Variants in PARG observed in about 807,000 individuals in gnomAD.
PARG encodes poly(ADP-ribose) glycohydrolase.
PARG carries 35 observed loss-of-function variants against 113.0 expected under a neutral mutation model. That is an observed-to-expected ratio of 0.31 (90% CI 0.24 to 0.41). The LOEUF (loss-of-function observed/expected upper bound fraction) is 0.41, where lower values mean the gene tolerates loss of function less well. Ranked by LOEUF, PARG falls within the 10% of genes least tolerant of loss-of-function variation. PARG has a pLI of 1.00. For missense variants in PARG, 797 were observed against 1,169.4 expected, an observed-to-expected ratio of 0.68 and a Z score of 4.64; for synonymous variants, 330 against 409.9, an observed-to-expected ratio of 0.81 and a Z score of 2.36.
chr10:49,860,648 A>C (rs1487684047), intron 12 of PARG, among the ~76,000 whole-genome samples: 2 of 152,064 alleles, frequency 1.3e-5, no homozygotes, highest in Non-Finnish European at 2.9e-5. Flanking sequence ...GTTTCATTTA[A>C]ATAATAACTA....
intron 13 of PARG, 35 bp from the exon 14 acceptor site, chr10:49,843,667 C>A: frequency 7.4e-7 from 1 of 1,354,382 alleles, no homozygotes; most frequent in Non-Finnish European, 1.0e-6. Flanking sequence ...TAACTTCACA[C>A]TTGATGGCAA....
intron 15 of PARG, among the ~76,000 whole-genome samples, chr10:49,836,167 T>A (rs1554831049): frequency 6.6e-6 from 1 of 152,174 alleles, no homozygotes; most frequent in African/African-American, 2.4e-5. Context: ...ATTATTCTAT[T>A]TGCTGGAATA....
chr10:49,923,608 G>A (rs1274451132), intron 4 of PARG, among the ~76,000 whole-genome samples: 2 of 152,068 alleles, frequency 1.3e-5, no homozygotes, highest in African/African-American at 4.8e-5. Context: ...GTGATGCACA[G>A]GGAGTTGTGA....
chr10:49,828,948 A>G (rs918769563), intron 16 of PARG, among the ~76,000 whole-genome samples: 1 of 152,200 alleles, frequency 6.6e-6, no homozygotes, highest in Admixed American at 6.5e-5. Flanking sequence ...TGTTAAAAAT[A>G]TTTTGCCAGC....
At chr10:49,892,391 A>G (rs1296438765) in intron 7 of PARG, among the ~76,000 whole-genome samples, 4 of 152,196 alleles carry the variant, frequency 2.6e-5, no homozygotes, top group Non-Finnish European at 4.4e-5. Context: ...GTGTGTGCAT[A>G]TAAACACACA....
At chr10:49,901,821 G>A (rs1554843821) in intron 7 of PARG, among the ~76,000 whole-genome samples, 1 of 152,150 alleles carries the variant, frequency 6.6e-6, no homozygotes, top group Non-Finnish European at 1.5e-5. Context: ...AATCTCAGAA[G>A]TCCCTGTGAG....
chr10:49,900,330 TCA>T (rs1848295916), intron 7 of PARG, among the ~76,000 whole-genome samples: 4 of 151,988 alleles, frequency 2.6e-5, no homozygotes, highest in Admixed American at 2.6e-4. Flanking sequence ...GGTTTAAAAT[TCA>T]CAGACTTTCT....
At chr10:49,889,087 T>C (rs1174945015) in intron 7 of PARG, among the ~76,000 whole-genome samples, 3 of 151,658 alleles carry the variant, frequency 2.0e-5, no homozygotes, top group South Asian at 2.1e-4. Context: ...GCTGGGACTT[T>C]CTGTTTTTTT....
chr10:49,823,923 C>G (rs1844228312), intron 16 of PARG, among the ~76,000 whole-genome samples: 2 of 151,860 alleles, frequency 1.3e-5, no homozygotes, highest in Admixed American at 6.6e-5. Context: ...GATTTCACAC[C>G]CATTTCTATT....
chr10:49,931,753 C>A (rs1393777057), intron 4 of PARG, among the ~76,000 whole-genome samples: 96 of 145,408 alleles, frequency 6.6e-4, no homozygotes, highest in Non-Finnish European at 1.2e-3. Context: ...CTAAACCATA[C>A]GTAATTTTGA....
chr10:49,899,432 TC>T (rs1848251058), intron 7 of PARG, among the ~76,000 whole-genome samples: 1 of 152,080 alleles, frequency 6.6e-6, no homozygotes, highest in Admixed American at 6.6e-5. Flanking sequence ...ACTCACTCAT[TC>T]CCCTTAATTT....
chr10:49,890,499 G>C lies in PARG; in HGVS notation c.1738-5204C>G, dbSNP rs181728968. Among the ~76,000 whole-genome samples the C allele has an allele frequency of 1.7e-3, 257 of 152,278 alleles. 3 individuals are homozygous for C. The highest frequency in any genetic ancestry group is 6.0e-3 in the African/African-American group (248 of 41,570). On this transcript the variant is annotated intron_variant, in intron 7 of 17. Coordinates refer to ENST00000616448, the MANE Select transcript of PARG (RefSeq NM_003631.5). ...GGAATTGTGCCAGAAGATGACAGAA[G>C]AGTAAACAGTTAACAGACGTGGTCA... is the stretch of plus-strand genomic sequence containing the variant.
At chr10:49,900,858 T>G (rs1267199788) in intron 7 of PARG, among the ~76,000 whole-genome samples, 1 of 152,082 alleles carries the variant, frequency 6.6e-6, no homozygotes, top group Non-Finnish European at 1.5e-5. Flanking sequence ...TCCAAGCCAA[T>G]GGATACTTTC....
intron 16 of PARG, among the ~76,000 whole-genome samples, chr10:49,821,482 C>T (rs909763460): frequency 3.3e-5 from 5 of 152,088 alleles, no homozygotes; most frequent in African/African-American, 1.2e-4. Context: ...CGGGTTCAAG[C>T]GATTCTCCTG....
At chr10:49,897,327 T>G (rs2132721798) in intron 7 of PARG, among the ~76,000 whole-genome samples, 1 of 152,334 alleles carries the variant, frequency 6.6e-6, no homozygotes, top group Non-Finnish European at 1.5e-5. Flanking sequence ...CTCTGCCTTG[T>G]TTAACATTTT....
chr10:49,911,924 A>C (rs1438669181), intron 7 of PARG, among the ~76,000 whole-genome samples: 1 of 152,238 alleles, frequency 6.6e-6, no homozygotes, highest in Admixed American at 6.5e-5. Context: ...GCAAAATATT[A>C]ATCTTAATAC....
At chr10:49,920,562 G>A (rs1221671487) in intron 6 of PARG, among the ~76,000 whole-genome samples, 9 of 105,844 alleles carry the variant, frequency 8.5e-5, no homozygotes, top group Middle Eastern at 7.0e-3. Flanking sequence ...ACATATATAC[G>A]TATATATACG....
At chr10:49,883,090 T>A (rs1188836934) in intron 8 of PARG, among the ~76,000 whole-genome samples, 1 of 152,204 alleles carries the variant, frequency 6.6e-6, no homozygotes, top group Non-Finnish European at 1.5e-5. Context: ...AATGCATTAC[T>A]GAGGTAAAAT....
At chr10:49,843,316 C>A (rs532178256) in intron 14 of PARG, among the ~76,000 whole-genome samples, 52 of 152,356 alleles carry the variant, frequency 3.4e-4, no homozygotes, top group African/African-American at 1.3e-3. Context: ...GTAGAGAATT[C>A]TGCCCCTCTT....
Sources: allele counts gnomAD v4.1 joint callset (sites outside exome capture counted in the v4.1 genomes callset), GRCh38; gene constraint gnomAD v4.1.1; transcripts MANE v1.5; gene names NCBI Gene and HGNC (gene_info 2026-07-23, HGNC 2026-07-21).